Variants in FAM184A observed in about 807,000 individuals in gnomAD.
FAM184A encodes family with sequence similarity 184 member A.
In FAM184A, 99 loss-of-function variants were observed where a neutral mutation model predicts 143.8. The ratio of observed to expected loss-of-function variants is 0.69; its 90% CI spans 0.58 to 0.81. FAM184A has a LOEUF of 0.81. Among genes scored for constraint, FAM184A ranks in the 40% least tolerant of loss-of-function variants. FAM184A has a pLI of 0.00. For synonymous variants in FAM184A, 427 were observed against 446.4 expected (o/e 0.96, Z 0.55); for missense variants, 1,217 against 1,310.5 (o/e 0.93, Z 1.10).
intron 5 of FAM184A, among the ~76,000 whole-genome samples, chr6:119,014,473 T>C (rs1785178412): frequency 6.6e-6 from 1 of 152,222 alleles, no homozygotes; most frequent in Non-Finnish European, 1.5e-5. Context: ...AGCTGAATAC[T>C]TAATTGTGGA....
At chr6:119,059,177 AC>A (rs1787125772) in intron 1 of FAM184A, among the ~76,000 whole-genome samples, 1 of 151,702 alleles carries the variant, frequency 6.6e-6, no homozygotes, top group Non-Finnish European at 1.5e-5. Context: ...GAGGTCTCAC[AC>A]TATATTGTCC....
Position 119,078,418 on chromosome 6 carries a change from C to G in FAM184A, c.-119G>C. 2.8e-6 allele frequency: 3 copies of G among 1,075,810 alleles called. No homozygotes were observed. Among genetic ancestry groups the G allele is most frequent in the Non-Finnish European group, 3.7e-6 (3 of 807,568 alleles). The allele number at this position is 1,075,810 out of a possible 1,614,324, so 66.6% of individuals were successfully genotyped here. A position where few individuals can be genotyped will look rare whatever the true frequency, so the allele number is the denominator to read the frequency against. On this transcript the variant is annotated 5_prime_UTR_variant, in exon 1 of 18. Coordinates refer to ENST00000338891, the MANE Select transcript of FAM184A (RefSeq NM_024581.6). The surrounding 1 kb of genome is among the most constrained non-coding windows in gnomAD (Gnocchi z 5.5). ...GCTTCCCGACCCGACACCCGGCGCC[C>G]CCCAGACTCGGCCGCAGGCGCCGTC...
intron 1 of FAM184A, among the ~76,000 whole-genome samples, chr6:119,139,373 A>T (rs1215889704): frequency 6.6e-6 from 1 of 152,184 alleles, no homozygotes; most frequent in East Asian, 1.9e-4. Flanking sequence ...GTTTCTGGTT[A>T]TCACACTTAA....
At chr6:119,131,003 C>T (rs1055106344) in intron 1 of FAM184A, among the ~76,000 whole-genome samples, 2 of 151,724 alleles carry the variant, frequency 1.3e-5, no homozygotes, top group Middle Eastern at 3.2e-3. Flanking sequence ...GGATTACAGG[C>T]GCCTGCCACC....
At chr6:119,098,017 A>G (rs903207874) in intron 1 of FAM184A, among the ~76,000 whole-genome samples, 14 of 152,150 alleles carry the variant, frequency 9.2e-5, no homozygotes, top group African/African-American at 3.4e-4. Flanking sequence ...GGAGGGTGAT[A>G]TGGTTTGGCT....
intron 1 of FAM184A, among the ~76,000 whole-genome samples, chr6:119,049,334 G>A (rs1394779118): frequency 6.6e-6 from 1 of 152,218 alleles, no homozygotes; most frequent in African/African-American, 2.4e-5. Context: ...TATAGTCCCA[G>A]CTACTTGGGA....
chr6:118,986,279 C>T (rs570373338), intron 9 of FAM184A, among the ~76,000 whole-genome samples: 2 of 151,344 alleles, frequency 1.3e-5, no homozygotes, highest in African/African-American at 4.9e-5. Flanking sequence ...GGCGACAGAG[C>T]GAGACTCCGT....
intron 1 of FAM184A, among the ~76,000 whole-genome samples, chr6:119,070,417 T>G (rs1268904906): frequency 6.6e-6 from 1 of 152,178 alleles, no homozygotes; most frequent in African/African-American, 2.4e-5. Context: ...TATCATTGTT[T>G]CAAAAATTCA....
At chr6:119,009,717 A>G (rs1364355280) in intron 6 of FAM184A, 2 of 151,804 alleles carry the variant, frequency 1.3e-5, no homozygotes, top group African/African-American at 4.8e-5. Context: ...ATTACTTACC[A>G]CCCTTTGTAA....
chr6:119,011,220 C>T, intron 6 of FAM184A, 89 bp downstream of exon 6: 2 of 1,129,344 alleles, frequency 1.8e-6, no homozygotes, highest in Non-Finnish European at 2.5e-6. Flanking sequence ...GTTACCTTTA[C>T]TGAGACTTAC....
Position 119,023,017 on chromosome 6 carries a change from C to A in FAM184A, c.1078G>T (p.Glu360Ter). ...GCAGCTGCTAGCTCACTTTCCACTT[C>A]TTTGTGCTTGCTTAATAGGGCCATT... The part of the protein sequence containing the change: ...GEMALLSKHK[E>*]VESELAAARE... The change falls in exon 3 of 18, where the codon GAA (glutamate) becomes TAA (stop). Residue 360 changes from glutamate to a stop codon, truncating the protein, a stop_gained. Coordinates refer to ENST00000338891, the MANE Select transcript of FAM184A (RefSeq NM_024581.6). LOFTEE classifies it high-confidence loss of function. 1 of 1,614,210 alleles carries A rather than the reference C, an allele frequency of 6.2e-7. No homozygotes were observed.
At chr6:119,118,771 T>C (rs1789128343) in intron 1 of FAM184A, among the ~76,000 whole-genome samples, 1 of 152,058 alleles carries the variant, frequency 6.6e-6, no homozygotes, top group Non-Finnish European at 1.5e-5. Context: ...AAATTGTTTG[T>C]AGAGCATATG....
At chr6:119,063,987 A>G (rs1787349335) in intron 1 of FAM184A, among the ~76,000 whole-genome samples, 1 of 152,058 alleles carries the variant, frequency 6.6e-6, no homozygotes. Flanking sequence ...TCTAAATTCT[A>G]ATAATTTTCA....
At chr6:119,105,344 G>A (rs145809080) in intron 1 of FAM184A, among the ~76,000 whole-genome samples, 29 of 152,132 alleles carry the variant, frequency 1.9e-4, no homozygotes, top group Non-Finnish European at 3.2e-4. Context: ...GAAACATGGG[G>A]GTGGATTTCC....
chr6:119,133,667 A>G (rs1157011354), intron 1 of FAM184A, among the ~76,000 whole-genome samples: 1 of 151,968 alleles, frequency 6.6e-6, no homozygotes. Flanking sequence ...AAGAAGGCTG[A>G]CCGTTGAGGG....
rs375545515 is a variant in FAM184A, at chr6:119,127,215, C to T, written c.-202+21863G>A. On this transcript the variant is annotated intron_variant, in intron 1 of 16. Coordinates refer to the FAM184A transcript ENST00000352896. ...GCCTAGAATTTCTCTGCCTCCTGTC[C>T]CTATCACCCTTATCTTAAGGTCAAC... Among the ~76,000 whole-genome samples, 6 of 152,306 alleles carry T rather than the reference C, an allele frequency of 3.9e-5. No individual in the cohort carries two copies. In the East Asian group the frequency reaches 9.6e-4, roughly 24 times the overall value.
chr6:119,011,204 A>C, intron 6 of FAM184A, 105 bp downstream of exon 6: 1 of 902,162 alleles, frequency 1.1e-6, no homozygotes, highest in Non-Finnish European at 1.7e-6. Context: ...TTTTTATTCT[A>C]GATATGTTAC....
At chr6:119,137,452 C>T (rs961645022) in intron 1 of FAM184A, among the ~76,000 whole-genome samples, 1 of 152,148 alleles carries the variant, frequency 6.6e-6, no homozygotes, top group Non-Finnish European at 1.5e-5. Flanking sequence ...GCCCTATCTG[C>T]AAATACAGTC....
intron 1 of FAM184A, among the ~76,000 whole-genome samples, chr6:119,040,071 C>G (rs1352212511): frequency 1.3e-5 from 2 of 152,218 alleles, no homozygotes; most frequent in African/African-American, 4.8e-5. Flanking sequence ...GACCTTCTCT[C>G]TTTAATCTTC....
Sources: allele counts gnomAD v4.1 joint callset (sites outside exome capture counted in the v4.1 genomes callset), GRCh38; gene constraint gnomAD v4.1.1; non-coding constraint Gnocchi (gnomAD v3.1); transcripts MANE v1.5; gene names NCBI Gene and HGNC (gene_info 2026-07-23, HGNC 2026-07-21).